Variants in FOXN3 observed in about 807,000 individuals in gnomAD.
FOXN3 encodes the protein forkhead box N3, also known as forkhead box protein N3.
Under a neutral mutation model 38.4 loss-of-function variants are expected in FOXN3, and 7 were observed. The ratio of observed to expected loss-of-function variants is 0.18; its 90% CI spans 0.10 to 0.34. The LOEUF is 0.34. Among genes scored for constraint, FOXN3 ranks in the 10% least tolerant of loss-of-function variants. The pLI is 1.00. For synonymous variants in FOXN3, 230 were observed against 242.2 expected, an observed-to-expected ratio of 0.95 and a Z score of 0.47; for missense variants, 456 against 613.4, an observed-to-expected ratio of 0.74 and a Z score of 2.71.
rs181809319 is a variant in FOXN3, at chr14:89,360,658, C to A, written c.544-9850G>T. Among the ~76,000 whole-genome samples, 761 of 151,788 alleles carry A rather than the reference C, an allele frequency of 5.0e-3. 2 individuals carry two copies. Among genetic ancestry groups the A allele is most frequent in the Non-Finnish European group, 8.5e-3 (577 of 67,844 alleles). ...GGGGCAAGAGCTGATACCCTCACAG[C>A]CGCAGGTTCCCCCATGTTTCCACAA... On this transcript the variant is annotated intron_variant, in intron 2 of 5. Coordinates refer to ENST00000557258, the MANE Select transcript of FOXN3 (RefSeq NM_005197.4).
intron 1 of FOXN3, among the ~76,000 whole-genome samples, chr14:89,455,647 C>T (rs1438532585): frequency 1.3e-5 from 2 of 152,166 alleles, no homozygotes; most frequent in African/African-American, 4.8e-5. Flanking sequence ...TCTTATCTGA[C>T]AGCAGGGCGG....
chr14:89,609,029 C>A (rs959906171), intron 1 of FOXN3, among the ~76,000 whole-genome samples: 1 of 152,100 alleles, frequency 6.6e-6, no homozygotes, highest in African/African-American at 2.4e-5. Flanking sequence ...GGCCAGGGAA[C>A]AAGATGTACA....
chr14:89,317,520 T>C (rs1887755468), intron 3 of FOXN3, among the ~76,000 whole-genome samples: 1 of 152,148 alleles, frequency 6.6e-6, no homozygotes, highest in Non-Finnish European at 1.5e-5. Flanking sequence ...CAGCTCAAAA[T>C]GTCACCTGAG....
intron 3 of FOXN3, among the ~76,000 whole-genome samples, chr14:89,301,347 G>A (rs375732246): frequency 6.2e-4 from 94 of 151,322 alleles, no homozygotes; most frequent in African/African-American, 2.2e-3. Flanking sequence ...GTGGTGGCAC[G>A]CACCTGCAGT....
At chr14:89,207,414 G>A (rs1008244069) in intron 4 of FOXN3, among the ~76,000 whole-genome samples, 1 of 152,066 alleles carries the variant, frequency 6.6e-6, no homozygotes, top group South Asian at 2.1e-4. Context: ...CTAAGGAACT[G>A]TTAACACTAT....
rs551571913 is a variant in FOXN3, at chr14:89,548,005, G to A, written c.-15+71023C>T. ...CTAACCCTAGGAGAGAAAGTAGGAGGTGGAAGGGGGAACTGGCAAAGGGAA... is the reference window on the plus strand; with the variant it reads ...CTAACCCTAGGAGAGAAAGTAGGAGATGGAAGGGGGAACTGGCAAAGGGAA... On this transcript the variant is annotated intron_variant, in intron 1 of 6. Coordinates refer to the FOXN3 transcript ENST00000345097. This position sits in a 1 kb window ranked among gnomAD's most constrained non-coding sequence, Gnocchi z 4.8. Among the ~76,000 whole-genome samples, 3 of 152,308 alleles carry A rather than the reference G, an allele frequency of 2.0e-5. No homozygotes were observed. Among genetic ancestry groups the A allele is most frequent in the African/African-American group, 7.2e-5 (3 of 41,566 alleles).
At chr14:89,415,743 A>T (rs897821934) in intron 1 of FOXN3, among the ~76,000 whole-genome samples, 1 of 151,486 alleles carries the variant, frequency 6.6e-6, no homozygotes, top group Non-Finnish European at 1.5e-5. Flanking sequence ...AATCTGGATC[A>T]TGTGAGTTGC....
intron 2 of FOXN3, among the ~76,000 whole-genome samples, chr14:89,381,935 C>A (rs1890660864): frequency 6.6e-6 from 1 of 152,100 alleles, no homozygotes; most frequent in African/African-American, 2.4e-5. Flanking sequence ...ATCCTCTCAA[C>A]TACTCCTAAG....
chr14:89,265,814 C>T (rs1034756464), intron 4 of FOXN3, among the ~76,000 whole-genome samples: 1 of 152,122 alleles, frequency 6.6e-6, no homozygotes, highest in Non-Finnish European at 1.5e-5. Context: ...GTGTACAGAA[C>T]TGCCAAGGTC....
intron 1 of FOXN3, among the ~76,000 whole-genome samples, chr14:89,529,306 A>G (rs1408582225): frequency 2.0e-5 from 3 of 152,244 alleles, no homozygotes; most frequent in African/African-American, 7.2e-5. Context: ...TTAAACAGAT[A>G]CCACAGAGGA....
intron 1 of FOXN3, among the ~76,000 whole-genome samples, chr14:89,556,403 CAAA>C (rs1370155737): frequency 3.2e-5 from 3 of 93,706 alleles, no homozygotes; most frequent in Non-Finnish European, 4.6e-5. Flanking sequence ...AACTCCATCT[CAAA>C]AAAAAAAAAA....
intron 1 of FOXN3, among the ~76,000 whole-genome samples, chr14:89,495,989 T>C (rs1469259822): frequency 2.0e-5 from 3 of 152,008 alleles, no homozygotes; most frequent in African/African-American, 7.3e-5. Flanking sequence ...CTGAAGCGGG[T>C]GGATCATGAG....
At chr14:89,285,066 G>T (rs1490070390) in intron 3 of FOXN3, among the ~76,000 whole-genome samples, 1 of 152,198 alleles carries the variant, frequency 6.6e-6, no homozygotes, top group African/African-American at 2.4e-5. Context: ...CTTAACCATT[G>T]TGAGAACCAC....
rs1246521557 is a variant in FOXN3, at chr14:89,412,002, T to C, written c.475A>G (p.Lys159Glu). 1 of 1,603,942 alleles carries C rather than the reference T, an allele frequency of 6.2e-7. No individual in the cohort carries two copies. ...GATAAATTGTGTCTCACTGAGTTTT[T>C]CCACCCAGTAGGTGCATTTGCAAAA... ...PYFANAPTGW[K>E]NSVRHNLSLN... Residue 159 changes from lysine to glutamate, a missense_variant, in exon 2 of 6, where the codon AAA (lysine) becomes GAA (glutamate). Lys to Glu is a moderately conservative substitution (Grantham distance 56). Transcript: ENST00000557258. The surrounding 1 kb of genome is among the most constrained non-coding windows in gnomAD (Gnocchi z 4.7).
At chr14:89,461,438 A>G (rs1892847231) in intron 1 of FOXN3, among the ~76,000 whole-genome samples, 1 of 152,138 alleles carries the variant, frequency 6.6e-6, no homozygotes, top group Non-Finnish European at 1.5e-5. Flanking sequence ...GGAACCCTGC[A>G]GTTTGCTTAA....
chr14:89,494,816 T>C (rs1422823084), intron 1 of FOXN3, among the ~76,000 whole-genome samples: 3 of 152,232 alleles, frequency 2.0e-5, no homozygotes, highest in Admixed American at 2.0e-4. Flanking sequence ...CCACTTGGTC[T>C]TTATTCCTAA....
At chr14:89,212,869 G>A (rs983975833) in intron 4 of FOXN3, among the ~76,000 whole-genome samples, 3 of 152,088 alleles carry the variant, frequency 2.0e-5, no homozygotes, top group Admixed American at 6.6e-5. Flanking sequence ...GTTTGACACC[G>A]CTAAGGAGCA....
At chr14:89,476,444 G>A (rs901167436) in intron 1 of FOXN3, among the ~76,000 whole-genome samples, 3 of 152,144 alleles carry the variant, frequency 2.0e-5, no homozygotes, top group Admixed American at 6.5e-5. Flanking sequence ...AAATGCTCTC[G>A]CGTGTACTAT....
At chr14:89,338,023 T>G (rs1596194558) in intron 3 of FOXN3, among the ~76,000 whole-genome samples, 5 of 152,338 alleles carry the variant, frequency 3.3e-5, no homozygotes, top group Admixed American at 3.3e-4. Flanking sequence ...ATAACCTTTC[T>G]ATCCCTGGGC....
Sources: gnomAD v4.1 joint callset for allele counts (sites outside exome capture counted in the v4.1 genomes callset) on GRCh38, gnomAD v4.1.1 for gene constraint, Gnocchi (gnomAD v3.1) non-coding constraint, MANE v1.5 for transcripts, NCBI Gene and HGNC (gene_info 2026-07-23, HGNC 2026-07-21) for gene names.